The following GPR15LG variants were observed in gnomAD, a reference collection of about 807,000 sequenced individuals.
GPR15LG encodes the protein protein GPR15LG.
At chr10:84,179,555 G>A in the GPR15LG span, among the ~76,000 whole-genome samples, 3 of 152,198 alleles carry the variant, frequency 2.0e-5, no homozygotes, top group African/African-American at 4.8e-5. Context: ...ATCTGGCCTC[G>A]TGTGCTCCAG....
chr10:84,185,111 A>C, the GPR15LG span: 13 of 1,127,786 alleles, frequency 1.2e-5, no homozygotes, highest in Non-Finnish European at 1.4e-5. Flanking sequence ...GCAAGCACCC[A>C]AGGGTGGCTG....
the GPR15LG span, among the ~76,000 whole-genome samples, chr10:84,176,746 T>C: frequency 6.6e-6 from 1 of 152,180 alleles, no homozygotes; most frequent in African/African-American, 2.4e-5. Context: ...AATTAATCAT[T>C]TTAAACTGAA....
the GPR15LG span, among the ~76,000 whole-genome samples, chr10:84,178,279 CAG>C: frequency 6.6e-6 from 1 of 151,674 alleles, no homozygotes; most frequent in African/African-American, 2.4e-5. Flanking sequence ...ACTACACAAA[CAG>C]ACACACACTA....
At chr10:84,185,042 A>C in the GPR15LG span, 1 of 1,265,982 alleles carries the variant, frequency 7.9e-7, no homozygotes, top group South Asian at 1.8e-5. Flanking sequence ...CGAGCATTCC[A>C]CCATGACCGG....
chr10:84,179,030 C>T, the GPR15LG span, among the ~76,000 whole-genome samples: 1 of 152,168 alleles, frequency 6.6e-6, no homozygotes, highest in Non-Finnish European at 1.5e-5. Context: ...AAACTGCTTC[C>T]CCTGTGGACA....
the GPR15LG span, among the ~76,000 whole-genome samples, chr10:84,184,170 A>C: frequency 0.35 from 52,582 of 151,508 alleles, 9,485 homozygotes; most frequent in African/African-American, 0.39. Flanking sequence ...AAAAAAAAAA[A>C]AAAAAACTAT....
the GPR15LG span, among the ~76,000 whole-genome samples, chr10:84,177,610 C>G: frequency 2.6e-5 from 4 of 152,218 alleles, no homozygotes; most frequent in East Asian, 1.9e-4. Flanking sequence ...GACAGCATGA[C>G]TCCAGCCGCA....
chr10:84,179,915 G>A, the GPR15LG span, among the ~76,000 whole-genome samples: 1,826 of 150,928 alleles, frequency 0.012, 32 homozygotes, highest in African/African-American at 0.042. Context: ...TCATTCTTGG[G>A]TGTTTCTTGG....
At chr10:84,177,452 C>A in the GPR15LG span, among the ~76,000 whole-genome samples, 1 of 152,216 alleles carries the variant, frequency 6.6e-6, no homozygotes, top group Non-Finnish European at 1.5e-5. Context: ...TGCCCACTCT[C>A]AAGAGGCTGA....
chr10:84,175,273 AT>A, the GPR15LG span, among the ~76,000 whole-genome samples: 1 of 152,222 alleles, frequency 6.6e-6, no homozygotes, highest in Non-Finnish European at 1.5e-5. Flanking sequence ...AGCCCGTGAC[AT>A]GCAATTTATC....
the GPR15LG span, chr10:84,184,628 A>T: frequency 6.3e-7 from 1 of 1,580,614 alleles, no homozygotes. Flanking sequence ...CCTGGCTCTG[A>T]CCTCGCCATC....
At chr10:84,179,577 A>G in the GPR15LG span, among the ~76,000 whole-genome samples, 1 of 152,222 alleles carries the variant, frequency 6.6e-6, no homozygotes, top group African/African-American at 2.4e-5. Context: ...TCACTGATGT[A>G]TGACAAAGCC....
the GPR15LG span, among the ~76,000 whole-genome samples, chr10:84,181,909 C>T: frequency 5.3e-3 from 809 of 152,292 alleles, 14 homozygotes; most frequent in African/African-American, 0.019. Context: ...CTTCTTTCTA[C>T]GCATCCTGGG....
chr10:84,178,298 C>G, the GPR15LG span, among the ~76,000 whole-genome samples: 1 of 151,638 alleles, frequency 6.6e-6, no homozygotes, highest in Non-Finnish European at 1.5e-5. Context: ...ACTATACACA[C>G]AAACACACTA....
the GPR15LG span, chr10:84,176,484 G>A: frequency 5.0e-6 from 8 of 1,612,830 alleles, no homozygotes; most frequent in Non-Finnish European, 6.8e-6. Flanking sequence ...CCTCAGGGAA[G>A]AGGCGTCCTG....
At chr10:84,183,612 T>C in the GPR15LG span, among the ~76,000 whole-genome samples, 2 of 152,128 alleles carry the variant, frequency 1.3e-5, no homozygotes, top group African/African-American at 4.8e-5. Context: ...ATTTCCATCA[T>C]CATGAATTAT....
chr10:84,185,193 G>T, the GPR15LG span: 2 of 527,598 alleles, frequency 3.8e-6, no homozygotes, highest in South Asian at 5.9e-5. Context: ...AGCATCCAGT[G>T]GTCCCCAAGG....
chr10:84,176,849 A>G, the GPR15LG span, among the ~76,000 whole-genome samples: 1 of 152,158 alleles, frequency 6.6e-6, no homozygotes, highest in Admixed American at 6.5e-5. Context: ...AGGAGGTGAC[A>G]TTTATGAGAC....
the GPR15LG span, chr10:84,173,951 G>A: frequency 3.1e-5 from 48 of 1,534,988 alleles, no homozygotes; most frequent in Non-Finnish European, 4.2e-5. Context: ...GCAGATCCCT[G>A]AGCAGGATTT....
Sources: allele counts gnomAD v4.1 joint callset (sites outside exome capture counted in the v4.1 genomes callset), GRCh38; gene constraint gnomAD v4.1.1; transcripts MANE v1.5; gene names NCBI Gene and HGNC (gene_info 2026-07-23, HGNC 2026-07-21).